The following NBAS variants were observed in gnomAD, a reference collection of about 807,000 sequenced individuals.
The protein encoded by NBAS is NBAS subunit of NRZ tethering complex.
Under a neutral mutation model 302.5 loss-of-function variants are expected in NBAS, and 219 were observed. That is an observed-to-expected ratio of 0.72 (90% CI 0.65 to 0.81). The LOEUF (loss-of-function observed/expected upper bound fraction) is 0.81. Ranked by LOEUF, NBAS falls within the 30% of genes least tolerant of loss-of-function variation. NBAS has a pLI of 0.00. For missense variants in NBAS, 2,932 were observed against 2,841.6 expected (o/e 1.03, Z -0.72); for synonymous variants, 1,118 against 1,021.6 (o/e 1.09, Z -1.80).
the NBAS span, among the ~76,000 whole-genome samples, chr2:14,840,606 A>C: frequency 6.6e-6 from 1 of 152,074 alleles, no homozygotes; most frequent in South Asian, 2.1e-4. Context: ...CATATAGCCC[A>C]GGAGGGTGTT....
chr2:15,463,050 A>C (rs918137318), intron 19 of NBAS, among the ~76,000 whole-genome samples: 2 of 152,168 alleles, frequency 1.3e-5, no homozygotes, highest in African/African-American at 4.8e-5. Flanking sequence ...AAGTGGGAGG[A>C]TCGCTTGAGC....
At chr2:14,942,491 G>A in the NBAS span, among the ~76,000 whole-genome samples, 1 of 152,108 alleles carries the variant, frequency 6.6e-6, no homozygotes, top group Non-Finnish European at 1.5e-5. Flanking sequence ...CACTGTGATT[G>A]TAAGTTTCCT....
chr2:15,443,181 C>T (rs1238537900), intron 21 of NBAS, among the ~76,000 whole-genome samples: 1 of 152,046 alleles, frequency 6.6e-6, no homozygotes, highest in East Asian at 1.9e-4. Flanking sequence ...GATAGCAAAG[C>T]TGGGCAGAGA....
chr2:15,430,666 G>A (rs910452120), intron 21 of NBAS, among the ~76,000 whole-genome samples: 1 of 152,148 alleles, frequency 6.6e-6, no homozygotes, highest in African/African-American at 2.4e-5. Flanking sequence ...AGAATCCAAA[G>A]CTTACACTTT....
chr2:15,040,983 C>T, the NBAS span, among the ~76,000 whole-genome samples: 1 of 152,326 alleles, frequency 6.6e-6, no homozygotes, highest in Non-Finnish European at 1.5e-5. Flanking sequence ...CCAGCTTCAT[C>T]CCCTCAAATC....
intron 30 of NBAS, among the ~76,000 whole-genome samples, chr2:15,374,979 T>C (rs1674664695): frequency 6.6e-6 from 1 of 152,136 alleles, no homozygotes; most frequent in African/African-American, 2.4e-5. Context: ...CCACAGTACA[T>C]AATGGCATCA....
At chr2:15,289,195 C>T (rs1334200383) in intron 41 of NBAS, among the ~76,000 whole-genome samples, 4 of 152,170 alleles carry the variant, frequency 2.6e-5, no homozygotes, top group African/African-American at 9.7e-5. Context: ...ACCCACCCAC[C>T]TACCCACCTC....
the NBAS span, among the ~76,000 whole-genome samples, chr2:15,077,427 C>A: frequency 1.3e-5 from 2 of 152,304 alleles, no homozygotes; most frequent in South Asian, 4.2e-4. Flanking sequence ...TTCAGTTCAA[C>A]AAATTTCCTT....
chr2:14,922,555 A>G, the NBAS span, among the ~76,000 whole-genome samples: 4 of 152,232 alleles, frequency 2.6e-5, no homozygotes, highest in Admixed American at 2.6e-4. Context: ...CTGTGCATGC[A>G]CATCCCTGGC....
chr2:15,029,207 C>A, the NBAS span, among the ~76,000 whole-genome samples: 1 of 152,162 alleles, frequency 6.6e-6, no homozygotes, highest in Non-Finnish European at 1.5e-5. Flanking sequence ...GCTTTTAAAG[C>A]TCGTAGAGAA....
the NBAS span, among the ~76,000 whole-genome samples, chr2:15,106,244 A>T: frequency 6.6e-6 from 1 of 152,052 alleles, no homozygotes; most frequent in African/African-American, 2.4e-5. Flanking sequence ...TTTTCCTTTT[A>T]TTAGCACCTT....
chr2:15,168,331 G>A (rs930240152), intron 51 of NBAS, among the ~76,000 whole-genome samples: 1 of 152,210 alleles, frequency 6.6e-6, no homozygotes. Flanking sequence ...AAGGAAGAAA[G>A]GCTATTGAAG....
the NBAS span, among the ~76,000 whole-genome samples, chr2:14,900,607 C>T: frequency 1.3e-5 from 2 of 152,284 alleles, no homozygotes; most frequent in African/African-American, 4.8e-5. Flanking sequence ...TTCATTACTT[C>T]TAAAATAACA....
chr2:15,067,622 A>C, the NBAS span, among the ~76,000 whole-genome samples: 4 of 152,126 alleles, frequency 2.6e-5, no homozygotes, highest in Non-Finnish European at 5.9e-5. Context: ...AAAGTATCTA[A>C]AATGGTCAAA....
At chr2:15,511,108 G>T in intron 10 of NBAS, 104 bp downstream of exon 10, 1 of 1,396,414 alleles carries the variant, frequency 7.2e-7, no homozygotes, top group Non-Finnish European at 1.0e-6. Flanking sequence ...CATTCAAGAT[G>T]AAATTATTTC....
intron 11 of NBAS, among the ~76,000 whole-genome samples, chr2:15,499,497 T>C (rs1267531155): frequency 6.6e-6 from 1 of 152,170 alleles, no homozygotes; most frequent in East Asian, 1.9e-4. Flanking sequence ...AGAAAACTAA[T>C]GCAGGAACTA....
chr2:14,914,463 T>C, the NBAS span, among the ~76,000 whole-genome samples: 3 of 152,190 alleles, frequency 2.0e-5, no homozygotes, highest in Non-Finnish European at 2.9e-5. Context: ...GATTGGCTTG[T>C]TTAATTAATT....
In NBAS at chr2:15,192,342, A is replaced by T. The variant is rs1241750677; in HGVS notation, c.6433-1939T>A. On this transcript the variant is annotated intron_variant, in intron 48 of 51. Transcript: ENST00000281513. ...ATTGAGTGAATTAACTAGTGAATGG[A>T]CATACATATGAATGAATGAGTGAAT... Among the ~76,000 whole-genome samples, 5 of 151,970 alleles carry T rather than the reference A, an allele frequency of 3.3e-5. No individual in the cohort carries two copies. The East Asian group carries it at 9.7e-4, about 29-fold the overall frequency.
the NBAS span, among the ~76,000 whole-genome samples, chr2:14,970,043 TTTAGAAA>T: frequency 3.3e-5 from 5 of 152,198 alleles, no homozygotes; most frequent in South Asian, 6.2e-4. Flanking sequence ...TAAATAAACT[TTTAGAAA>T]AATAAACTTT....
Sources: gnomAD v4.1 joint callset for allele counts (sites outside exome capture counted in the v4.1 genomes callset) on GRCh38, gnomAD v4.1.1 for gene constraint, MANE v1.5 for transcripts, NCBI Gene and HGNC (gene_info 2026-07-23, HGNC 2026-07-21) for gene names.